The following LIN9 variants were observed in gnomAD, a reference collection of about 807,000 sequenced individuals.
The protein encoded by LIN9 is lin-9 DREAM MuvB core complex component, also known as protein lin-9 homolog.
Under a neutral mutation model 78.0 loss-of-function variants are expected in LIN9, and 18 were observed. The ratio of observed to expected loss-of-function variants is 0.23; its 90% CI spans 0.16 to 0.34. The LOEUF (loss-of-function observed/expected upper bound fraction) is 0.34, where lower values mean the gene tolerates loss of function less well. LIN9 is among the 10% of genes least tolerant of loss of function. The pLI is 1.00. For synonymous variants in LIN9, 192 were observed against 215.2 expected (o/e 0.89, Z 0.94); for missense variants, 451 against 644.1 (o/e 0.70, Z 3.25).
intron 5 of LIN9, among the ~76,000 whole-genome samples, chr1:226,287,107 AAGC>A (rs1661422215): frequency 6.6e-6 from 1 of 152,198 alleles, no homozygotes; most frequent in Non-Finnish European, 1.5e-5. Context: ...CCAGCAGAGC[AAGC>A]AGCAATGACT....
chr1:226,294,454 C>T (rs897973914), intron 4 of LIN9, among the ~76,000 whole-genome samples: 5 of 151,950 alleles, frequency 3.3e-5, no homozygotes, highest in African/African-American at 4.8e-5. Flanking sequence ...TGCCTGTAAT[C>T]CCAGCTACTC....
intron 10 of LIN9, among the ~76,000 whole-genome samples, chr1:226,254,483 C>T (rs1306859907): frequency 6.6e-6 from 1 of 152,076 alleles, no homozygotes; most frequent in Admixed American, 6.6e-5. Flanking sequence ...CTAGGCTTTA[C>T]ATATAGATTA....
At chr1:226,304,045 T>C (rs565365385) in intron 1 of LIN9, among the ~76,000 whole-genome samples, 16 of 152,364 alleles carry the variant, frequency 1.1e-4, no homozygotes, top group African/African-American at 3.4e-4. Context: ...CTCTGTGCTA[T>C]TGTTTCTTCA....
intron 11 of LIN9, among the ~76,000 whole-genome samples, chr1:226,250,312 T>TA (rs1227524389): frequency 6.6e-6 from 1 of 152,200 alleles, no homozygotes; most frequent in Non-Finnish European, 1.5e-5. Flanking sequence ...CTGACTTACT[T>TA]ATTCTGAAAC....
At chr1:226,291,082 T>G (rs1237103274) in intron 4 of LIN9, among the ~76,000 whole-genome samples, 1 of 152,204 alleles carries the variant, frequency 6.6e-6, no homozygotes, top group African/African-American at 2.4e-5. Context: ...CGGAGAGTAT[T>G]TGGTACTGCT....
At position 226,267,318 on chromosome 1, in the gene LIN9, A is replaced by ATGTATGTATGTATGTATGTATG. The variant is rs60392041; in HGVS notation, c.816+638_816+639insCATACATACATACATACATACA. ...ATGTGTGTGTATATATATTATGTAT[A>ATGTATGTATGTATGTATGTATG]TATGTATGTATGTATGTATGTATGT... On this transcript the variant is annotated intron_variant, in intron 8 of 14. Coordinates refer to ENST00000681046, the MANE Select transcript of LIN9 (RefSeq NM_001366245.2). 1.0e-3 allele frequency among the ~76,000 whole-genome samples: 143 copies of ATGTATGTATGTATGTATGTATG among 140,900 alleles called. 2 individuals are homozygous for ATGTATGTATGTATGTATGTATG. Among genetic ancestry groups the ATGTATGTATGTATGTATGTATG allele is most frequent in the Middle Eastern group, 3.5e-3 (1 of 282 alleles). The allele number at this position is 140,900 out of a possible 152,430, so 92.4% of individuals were successfully genotyped here.
At chr1:226,309,732 G>C, upstream of LIN9, 1 of 1,287,736 alleles carries the variant, frequency 7.8e-7, no homozygotes, top group Non-Finnish European at 1.0e-6. Context: ...CTCGGTCCCA[G>C]CGGCCCCTCG....
chr1:226,301,629 C>T (rs1183222864), intron 1 of LIN9, among the ~76,000 whole-genome samples: 1 of 152,150 alleles, frequency 6.6e-6, no homozygotes, highest in African/African-American at 2.4e-5. Context: ...GATTCAGGGA[C>T]TGTCAGAGCA....
At chr1:226,249,823 C>A (rs1049826395) in intron 11 of LIN9, among the ~76,000 whole-genome samples, 13 of 152,164 alleles carry the variant, frequency 8.5e-5, no homozygotes, top group African/African-American at 3.1e-4. Context: ...ATGTGAATTT[C>A]ATTACAATTC....
intron 4 of LIN9, among the ~76,000 whole-genome samples, chr1:226,292,960 T>A (rs745366569): frequency 2.1e-4 from 32 of 152,202 alleles, no homozygotes; most frequent in Non-Finnish European, 4.0e-4. Flanking sequence ...ATAGGAGTTG[T>A]TGAAGATTAA....
chr1:226,244,295 G>A (rs577883378), intron 11 of LIN9, among the ~76,000 whole-genome samples: 33 of 152,150 alleles, frequency 2.2e-4, no homozygotes, highest in East Asian at 9.8e-4. Flanking sequence ...AGCCGGGCGC[G>A]GTGGCGCATG....
chr1:226,263,042 C>T (rs889398890), intron 10 of LIN9, among the ~76,000 whole-genome samples: 1 of 152,056 alleles, frequency 6.6e-6, no homozygotes, highest in African/African-American at 2.4e-5. Context: ...TATAAAAAGG[C>T]TATATACTGT....
chr1:226,245,298 A>T (rs991906935), intron 11 of LIN9, among the ~76,000 whole-genome samples: 1 of 152,232 alleles, frequency 6.6e-6, no homozygotes, highest in Admixed American at 6.5e-5. Flanking sequence ...AGACTGAGGC[A>T]TAAGAATTGC....
intron 6 of LIN9, among the ~76,000 whole-genome samples, chr1:226,282,344 C>G (rs1661119348): frequency 6.6e-6 from 1 of 152,116 alleles, no homozygotes; most frequent in African/African-American, 2.4e-5. Context: ...CTGTGTTGTA[C>G]ATTCTTGAAA....
chr1:226,269,612 T>C (rs1046149515), intron 7 of LIN9, among the ~76,000 whole-genome samples: 3 of 152,122 alleles, frequency 2.0e-5, no homozygotes, highest in African/African-American at 4.8e-5. Flanking sequence ...TAGTTCAGGG[T>C]TGGTCACGAA....
At chr1:226,289,057 G>A (rs994306117) in intron 4 of LIN9, among the ~76,000 whole-genome samples, 1 of 152,086 alleles carries the variant, frequency 6.6e-6, no homozygotes, top group African/African-American at 2.4e-5. Context: ...CCAATATAGT[G>A]AAACCCCATC....
At chr1:226,292,387 T>C (rs544519136) in intron 4 of LIN9, among the ~76,000 whole-genome samples, 1 of 152,314 alleles carries the variant, frequency 6.6e-6, no homozygotes, top group Admixed American at 6.5e-5. Context: ...CTGGAACTCC[T>C]GAGCTTAAGC....
intron 6 of LIN9, among the ~76,000 whole-genome samples, chr1:226,282,455 T>C (rs1462255817): frequency 6.6e-6 from 1 of 152,216 alleles, no homozygotes; most frequent in Non-Finnish European, 1.5e-5. Flanking sequence ...GTAATATGTA[T>C]GAGTGACTAA....
At chr1:226,296,729 A>C (rs1373869873) in intron 3 of LIN9, among the ~76,000 whole-genome samples, 2 of 152,160 alleles carry the variant, frequency 1.3e-5, no homozygotes, top group African/African-American at 4.8e-5. Flanking sequence ...CTTGAAATTA[A>C]ACCCACTCTG....
Sources: allele counts gnomAD v4.1 joint callset (sites outside exome capture counted in the v4.1 genomes callset), GRCh38; gene constraint gnomAD v4.1.1; transcripts MANE v1.5; gene names NCBI Gene and HGNC (gene_info 2026-07-23, HGNC 2026-07-21).